The following SLC9C2 variants were observed in gnomAD, a reference collection of about 807,000 sequenced individuals.
The protein encoded by SLC9C2 is sodium/hydrogen exchanger 11.
SLC9C2 carries 75 observed loss-of-function variants against 140.2 expected under a neutral mutation model. The ratio of observed to expected loss-of-function variants is 0.53; its 90% CI spans 0.44 to 0.65. The LOEUF (loss-of-function observed/expected upper bound fraction) is 0.65, where lower values mean the gene tolerates loss of function less well. SLC9C2 is among the 30% of genes least tolerant of loss of function. The probability of loss-of-function intolerance (pLI) is 0.00; values close to 1 mark genes in which losing one functional copy is unlikely to be tolerated. For synonymous variants in SLC9C2, 375 were observed against 420.9 expected (o/e 0.89, Z 1.34); for missense variants, 1,074 against 1,331.8 (o/e 0.81, Z 3.01).
chr1:173,512,883 C>T (rs1660150313), intron 23 of SLC9C2, among the ~76,000 whole-genome samples: 1 of 152,076 alleles, frequency 6.6e-6, no homozygotes, highest in South Asian at 2.1e-4. Context: ...TTATTGAAGG[C>T]CTTTTCTGCA....
chr1:173,521,102 A>G (rs371485330), intron 22 of SLC9C2, among the ~76,000 whole-genome samples, 199 bp downstream of exon 22: 1 of 152,216 alleles, frequency 6.6e-6, no homozygotes. Context: ...AGTAAAGACT[A>G]TGACAGCATT....
chr1:173,557,516 G>A lies in SLC9C2; in HGVS notation c.1047-8C>T, dbSNP rs748243926. ...AACAAAATAGTAAGCAACCTGTGGAGAGGGAAACATTAAAAATAAATCTCA... is the reference window on the plus strand; with the variant it reads ...AACAAAATAGTAAGCAACCTGTGGAAAGGGAAACATTAAAAATAAATCTCA... On this transcript the variant is annotated splice_polypyrimidine_tract_variant and splice_region_variant and intron_variant, in intron 9 of 27. Transcript: ENST00000367714. The A allele has an allele frequency of 1.9e-5, 31 of 1,601,972 alleles. No homozygotes were observed. In the Middle Eastern group the frequency reaches 6.6e-4, roughly 34 times the overall value.
chr1:173,568,189 G>A (rs114780183), intron 9 of SLC9C2, among the ~76,000 whole-genome samples: 3,728 of 152,162 alleles, frequency 0.025, 167 homozygotes, highest in African/African-American at 0.086. Flanking sequence ...AGGTAAACAC[G>A]TGTCACAGGG....
At chr1:173,583,658 T>G (rs776577890) in intron 5 of SLC9C2, 36 bp from the exon 6 acceptor site, 28 of 1,034,546 alleles carry the variant, frequency 2.7e-5, no homozygotes, top group East Asian at 2.3e-4. Flanking sequence ...CTCAATATGC[T>G]ACATGAAAAT....
Position 173,581,846 on chromosome 1 carries a change from C to T in SLC9C2, c.802+1G>A. 1.3e-6 allele frequency: 2 copies of T among 1,535,650 alleles called. No individual in the cohort carries two copies. Among genetic ancestry groups the T allele is most frequent in the Non-Finnish European group, 1.8e-6 (2 of 1,134,210 alleles). ...AATTTTTGTATTTATTTCAGCCTTA[C>T]CAATATAGAAAGTCATGTACACCAT... On this transcript the variant is annotated splice_donor_variant, in intron 7 of 27. Transcript: ENST00000367714. LOFTEE classifies it high-confidence loss of function.
At chr1:173,577,247 C>G (rs891482991) in intron 7 of SLC9C2, among the ~76,000 whole-genome samples, 1 of 152,206 alleles carries the variant, frequency 6.6e-6, no homozygotes, top group Non-Finnish European at 1.5e-5. Context: ...AAAATAAGTT[C>G]AACAGCCCTC....
chr1:173,569,533 A>G (rs1007557352), intron 9 of SLC9C2, among the ~76,000 whole-genome samples: 1 of 152,000 alleles, frequency 6.6e-6, no homozygotes, highest in Non-Finnish European at 1.5e-5. Flanking sequence ...TTTTGAATAA[A>G]CTTTCTACCC....
intron 15 of SLC9C2, among the ~76,000 whole-genome samples, chr1:173,535,569 C>A (rs1192482661): frequency 6.6e-6 from 1 of 152,140 alleles, no homozygotes; most frequent in Non-Finnish European, 1.5e-5. Context: ...CCGCAACACA[C>A]TACAACCCTC....
chr1:173,505,262 T>C lies in SLC9C2; in HGVS notation c.3295A>G (p.Asn1099Asp). 6.2e-7 allele frequency: 1 copy of C among 1,613,844 alleles called. No homozygotes were observed. Among genetic ancestry groups the C allele is most frequent in the Non-Finnish European group, 8.5e-7 (1 of 1,179,734 alleles). Residue 1099 changes from asparagine to aspartate, a missense_variant, in exon 26 of 28, where the codon AAC (asparagine) becomes GAC (aspartate). Transcript: ENST00000367714. The stretch of plus-strand genomic sequence containing the variant: ...TACCCCTTACCCATGACATTGGTGT[T>C]ACTATTTCTTTGGGTAAGCTCAGAT... ...QASELTQRNS[N>D]TNVMASVNTV...
chr1:173,543,408 T>C (rs1005076016), intron 13 of SLC9C2, among the ~76,000 whole-genome samples: 1 of 152,162 alleles, frequency 6.6e-6, no homozygotes, highest in African/African-American at 2.4e-5. Context: ...GGAATCAATA[T>C]CGTGAAAATG....
At chr1:173,508,949 C>T (rs772331627) in intron 24 of SLC9C2, among the ~76,000 whole-genome samples, 3 of 151,900 alleles carry the variant, frequency 2.0e-5, no homozygotes, top group Admixed American at 2.0e-4. Context: ...ACAGACAGAG[C>T]GTTTGTTAAC....
chr1:173,547,973 A>G (rs1662979855), intron 12 of SLC9C2, among the ~76,000 whole-genome samples, 189 bp from the exon 13 acceptor site: 1 of 152,182 alleles, frequency 6.6e-6, no homozygotes, highest in Non-Finnish European at 1.5e-5. Flanking sequence ...TAAAGTAAAT[A>G]CTCATTTGGG....
intron 8 of SLC9C2, among the ~76,000 whole-genome samples, chr1:173,574,054 G>C (rs1310193648): frequency 4.6e-5 from 7 of 152,176 alleles, no homozygotes; most frequent in Non-Finnish European, 8.8e-5. Context: ...ATGTGGGTTA[G>C]GGCAGGGGGC....
chr1:173,548,855 A>G (rs111664111), intron 11 of SLC9C2, among the ~76,000 whole-genome samples: 107 of 152,354 alleles, frequency 7.0e-4, no homozygotes, highest in South Asian at 3.5e-3. Context: ...CTCAAAGTGT[A>G]AAGTGTACAG....
chr1:173,509,495 A>T (rs1659888018), intron 24 of SLC9C2, 73 bp downstream of exon 24: 1 of 1,350,200 alleles, frequency 7.4e-7, no homozygotes, highest in Non-Finnish European at 9.9e-7. Context: ...TGTCTCAAAA[A>T]TATGAAATGC....
At chr1:173,566,242 T>C (rs1291024229) in intron 9 of SLC9C2, among the ~76,000 whole-genome samples, 1 of 152,078 alleles carries the variant, frequency 6.6e-6, no homozygotes, top group Non-Finnish European at 1.5e-5. Flanking sequence ...CAGAATAATT[T>C]GAGTATAATG....
At position 173,587,777 on chromosome 1, in the gene SLC9C2, A is replaced by G; in HGVS notation, c.411T>C (p.Tyr137=). The part of the protein sequence containing the change: ...SFSTASIIIG[Y]VVIKFNKDSW... ...AATCTTTATTGAATTTTATAACGAC[A>G]TATCCAATTATGATGCTTGCTGTAG... The change falls in exon 5 of 28, where the codon TAT becomes TAC. Residue 137 remains tyrosine (Y), a synonymous_variant. Coordinates refer to ENST00000367714, the MANE Select transcript of SLC9C2 (RefSeq NM_178527.4). The G allele has an allele frequency of 1.2e-6, 2 of 1,613,332 alleles. No homozygotes were observed. Among genetic ancestry groups the G allele is most frequent in the South Asian group, 2.2e-5 (2 of 91,034 alleles).
chr1:173,561,887 C>CACACACACACA (rs1558068630), intron 9 of SLC9C2, among the ~76,000 whole-genome samples: 1 of 141,234 alleles, frequency 7.1e-6, no homozygotes, highest in East Asian at 2.1e-4. Context: ...ACACACACAC[C>CACACACACACA]CCCAACTGTA....
chr1:173,597,343 C>T (rs1021025368), intron 4 of SLC9C2, among the ~76,000 whole-genome samples: 1 of 151,584 alleles, frequency 6.6e-6, no homozygotes, highest in African/African-American at 2.4e-5. Context: ...ATGTGGGATA[C>T]CACTAAAAAG....
Sources: allele counts gnomAD v4.1 joint callset (sites outside exome capture counted in the v4.1 genomes callset), GRCh38; gene constraint gnomAD v4.1.1; transcripts MANE v1.5; gene names NCBI Gene and HGNC (gene_info 2026-07-23, HGNC 2026-07-21).